The following CORO2A variants were observed in gnomAD, a reference collection of about 807,000 sequenced individuals.
CORO2A encodes the protein coronin 2A.
A neutral mutation model predicts 62.4 loss-of-function variants in CORO2A; 47 were observed. That is an observed-to-expected ratio of 0.75 (90% CI 0.60 to 0.96). The LOEUF is 0.96. Among genes scored for constraint, CORO2A ranks in the 40% least tolerant of loss-of-function variants. The probability of loss-of-function intolerance (pLI) is 0.00; values close to 1 mark genes in which losing one functional copy is unlikely to be tolerated. For synonymous variants in CORO2A, 273 were observed against 268.9 expected (o/e 1.02, Z -0.15); for missense variants, 610 against 684.1 (o/e 0.89, Z 1.21).
chr9:98,172,282 C>A (rs1293202638), intron 1 of CORO2A, among the ~76,000 whole-genome samples: 1 of 135,444 alleles, frequency 7.4e-6, no homozygotes, highest in Non-Finnish European at 1.6e-5. Flanking sequence ...CACTTCTGAG[C>A]TCGACCCCAC....
At chr9:98,157,962 A>G (rs1464578419) in intron 1 of CORO2A, among the ~76,000 whole-genome samples, 1 of 152,146 alleles carries the variant, frequency 6.6e-6, no homozygotes, top group African/African-American at 2.4e-5. Context: ...GAGAGAATCC[A>G]CCACATTGAC....
intron 2 of CORO2A, among the ~76,000 whole-genome samples, chr9:98,146,686 T>A (rs3780459): frequency 0.32 from 48,301 of 152,018 alleles, 7,841 homozygotes; most frequent in Admixed American, 0.39. Context: ...AGGGGCCTCA[T>A]GTCAGTGAAG....
At chr9:98,135,494 G>C (rs916973320) in intron 3 of CORO2A, among the ~76,000 whole-genome samples, 5 of 152,164 alleles carry the variant, frequency 3.3e-5, no homozygotes, top group African/African-American at 1.2e-4. Context: ...CAGGAGGCTG[G>C]GCTGGATGGG....
chr9:98,157,504 C>T lies in CORO2A; in HGVS notation c.157G>A (p.Glu53Lys), dbSNP rs1827820202. 2 of 1,614,240 alleles carry T rather than the reference C, an allele frequency of 1.2e-6. No homozygotes were observed. The highest frequency in any genetic ancestry group is 1.7e-6 in the Non-Finnish European group (2 of 1,180,052). ...AGGAAGGCCCCTCCACCAGCACACTCAGTCACAACTGCAATGAAGTGGGGG... is the reference window on the plus strand; with the variant it reads ...AGGAAGGCCCCTCCACCAGCACACTTAGTCACAACTGCAATGAAGTGGGGG... ...VNPHFIAVVT[E>K]CAGGGAFLVI... The change falls in exon 2 of 12, where the codon GAG (glutamate) becomes AAG (lysine). Residue 53 changes from glutamate to lysine, a missense_variant. Glu to Lys is a moderately conservative substitution (Grantham distance 56). Transcript: ENST00000375077.
At chr9:98,134,053 C>T (rs1827449092) in intron 4 of CORO2A, among the ~76,000 whole-genome samples, 1 of 152,108 alleles carries the variant, frequency 6.6e-6, no homozygotes, top group Non-Finnish European at 1.5e-5. Flanking sequence ...TGTCCGGCCC[C>T]CCACCTCCCT....
chr9:98,151,942 A>G (rs182019454), intron 2 of CORO2A, among the ~76,000 whole-genome samples: 1,696 of 144,022 alleles, frequency 0.012, 22 homozygotes, highest in East Asian at 0.043. Context: ...TCAGCCTCCC[A>G]TGTAGCTGGG....
intron 1 of CORO2A, among the ~76,000 whole-genome samples, chr9:98,167,836 G>A (rs1463399513): frequency 2.0e-5 from 3 of 152,296 alleles, no homozygotes; most frequent in East Asian, 1.9e-4. Context: ...AATAACTTGC[G>A]GTTGTTGGAC....
At chr9:98,128,356 C>T in intron 9 of CORO2A, 96 bp from the exon 10 acceptor site, 1 of 1,021,938 alleles carries the variant, frequency 9.8e-7, no homozygotes. Flanking sequence ...TCACCAACCC[C>T]TGCTGAATTG....
intron 2 of CORO2A, among the ~76,000 whole-genome samples, chr9:98,148,584 A>G (rs1564207084): frequency 6.6e-6 from 1 of 151,876 alleles, no homozygotes; most frequent in Non-Finnish European, 1.5e-5. Context: ...TACATAAAAA[A>G]TATACAAAAA....
At chr9:98,181,300 T>C (rs1169296370) in intron 1 of CORO2A, among the ~76,000 whole-genome samples, 1 of 144,804 alleles carries the variant, frequency 6.9e-6, no homozygotes, top group African/African-American at 2.5e-5. Context: ...AATCCCAGCC[T>C]CCTGTCCCAC....
intron 1 of CORO2A, among the ~76,000 whole-genome samples, chr9:98,170,273 C>G (rs543924068): frequency 6.6e-6 from 1 of 152,246 alleles, no homozygotes; most frequent in East Asian, 1.9e-4. Context: ...CTGTGCCCAC[C>G]TACAGCCCTG....
chr9:98,124,645 G>T lies in CORO2A; in HGVS notation c.*129C>A. Reference sequence around the variant, plus strand: ...TCCCACTGGAATCTCTTTCAGCGATGGAGAGTTTTGTTTTCTGGTAAAAAA... The same window carrying T: ...TCCCACTGGAATCTCTTTCAGCGATTGAGAGTTTTGTTTTCTGGTAAAAAA... On this transcript the variant is annotated 3_prime_UTR_variant, in exon 12 of 12. Coordinates refer to ENST00000375077, the MANE Select transcript of CORO2A (RefSeq NM_052820.4). 1.1e-6 allele frequency: 1 copy of T among 947,730 alleles called. No individual in the cohort carries two copies. The highest frequency in any genetic ancestry group is 1.4e-6 in the Non-Finnish European group (1 of 689,682). 58.7% of individuals were successfully genotyped at this position (947,730 alleles called of 1,614,324 possible).
At chr9:98,190,114 A>G (rs1170994285) in intron 1 of CORO2A, among the ~76,000 whole-genome samples, 1 of 152,104 alleles carries the variant, frequency 6.6e-6, no homozygotes, top group Admixed American at 6.5e-5. Flanking sequence ...CAAACTCTAG[A>G]CCTCAGGTGA....
At chr9:98,183,946 G>C (rs913786428) in intron 1 of CORO2A, among the ~76,000 whole-genome samples, 2 of 152,180 alleles carry the variant, frequency 1.3e-5, no homozygotes, top group African/African-American at 4.8e-5. Flanking sequence ...GGGTGACACA[G>C]CAAGACTCTG....
At chr9:98,124,987 C>T in intron 11 of CORO2A, 82 bp from the exon 12 acceptor site, 1 of 1,499,908 alleles carries the variant, frequency 6.7e-7, no homozygotes, top group Non-Finnish European at 9.0e-7. Context: ...CTCTTTGACT[C>T]AGAAAGGTGG....
intron 1 of CORO2A, among the ~76,000 whole-genome samples, chr9:98,189,248 CAA>C (rs1828276326): frequency 6.6e-6 from 1 of 152,214 alleles, no homozygotes; most frequent in African/African-American, 2.4e-5. Flanking sequence ...ACCACAGAAG[CAA>C]AGTCACCTAC....
At chr9:98,181,553 G>A (rs142917141) in intron 1 of CORO2A, among the ~76,000 whole-genome samples, 9 of 151,960 alleles carry the variant, frequency 5.9e-5, no homozygotes, top group Non-Finnish European at 1.3e-4. Context: ...ATATGTAAAC[G>A]TGAGCAGACC....
chr9:98,135,623 G>C (rs1434949884), intron 3 of CORO2A, among the ~76,000 whole-genome samples: 1 of 152,160 alleles, frequency 6.6e-6, no homozygotes, highest in African/African-American at 2.4e-5. Flanking sequence ...CCCTGTCACA[G>C]AGGTATACAA....
At chr9:98,146,342 C>A (rs1328301166) in intron 2 of CORO2A, among the ~76,000 whole-genome samples, 1 of 152,218 alleles carries the variant, frequency 6.6e-6, no homozygotes, top group East Asian at 1.9e-4. Flanking sequence ...GTTGCCAAGG[C>A]TGCAGGTTGC....
Sources: allele counts gnomAD v4.1 joint callset (sites outside exome capture counted in the v4.1 genomes callset), GRCh38; gene constraint gnomAD v4.1.1; transcripts MANE v1.5; gene names NCBI Gene and HGNC (gene_info 2026-07-23, HGNC 2026-07-21).